The following NLE1 variants were observed in gnomAD, a reference collection of about 807,000 sequenced individuals.
NLE1 encodes the protein notchless protein homolog 1.
A neutral mutation model predicts 62.8 loss-of-function variants in NLE1; 37 were observed. The observed-to-expected ratio is 0.59, with a 90% CI of 0.45 to 0.78. The LOEUF (loss-of-function observed/expected upper bound fraction) is 0.78. NLE1 is among the 30% of genes least tolerant of loss of function. The pLI, the probability that NLE1 is intolerant of heterozygous loss-of-function variation, is 0.00. For synonymous variants in NLE1, 243 were observed against 253.0 expected (o/e 0.96, Z 0.37); for missense variants, 555 against 637.9 (o/e 0.87, Z 1.40).
chr17:35,139,109 T>C, intron 4 of NLE1, 126 bp downstream of exon 4: 1 of 739,184 alleles, frequency 1.4e-6, no homozygotes, highest in Non-Finnish European at 2.2e-6. Context: ...AACCCAGGAG[T>C]TCAAGGCTTG....
chr17:35,135,284 G>T lies in NLE1; in HGVS notation c.1179C>A (p.Asp393Glu). Residue 393 changes from aspartate (D) to glutamate (E), a missense_variant, in exon 10 of 13, where the codon GAC (aspartate) becomes GAA (glutamate). Asp to Glu is a conservative substitution (Grantham distance 45). Transcript: ENST00000442241. ...TGCCATCCCACAGCTTGATGGACTT[G>T]TCAAAGGAGGCACTAGCCACGATGC... is the stretch of plus-strand genomic sequence containing the variant. ...DSRIVASASF[D>E]KSIKLWDGRT... The T allele has an allele frequency of 1.2e-6, 2 of 1,614,188 alleles. No homozygotes were observed. Among genetic ancestry groups the T allele is most frequent in the East Asian group, 4.5e-5 (2 of 44,880 alleles).
In NLE1 at chr17:35,130,517, AC is replaced by A; in HGVS notation, c.*1919del. On this transcript the variant is annotated 3_prime_UTR_variant, in exon 13 of 13. Coordinates refer to ENST00000442241, the MANE Select transcript of NLE1 (RefSeq NM_018096.5). ...AAACCAGAGCCATGAGACCTACCAT[AC>A]CACCAGCACCCTGCGGGCCCGGGGT... is the stretch of plus-strand genomic sequence containing the variant. 7.1e-7 allele frequency: 1 copy of A among 1,415,458 alleles called. No homozygotes were observed. Among genetic ancestry groups the A allele is most frequent in the Non-Finnish European group, 9.7e-7 (1 of 1,035,492 alleles). The allele number at this position is 1,415,458 out of a possible 1,614,324, so 87.7% of individuals were successfully genotyped here.
Position 35,137,177 on chromosome 17 carries a change from A to T in NLE1, c.652T>A (p.Tyr218Asn). 6.2e-7 allele frequency: 1 copy of T among 1,608,844 alleles called. No homozygotes were observed. Among genetic ancestry groups the T allele is most frequent in the Non-Finnish European group, 8.5e-7 (1 of 1,175,940 alleles). ...CCATCCTTGGAGCTGCTGGCCACAT[A>T]GCGGCACTCAGGGTTCCTGGAGAGA... Reference protein sequence around the residue: ...EPLHANPECRYVASSSKDGSV... With the variant: ...EPLHANPECRNVASSSKDGSV... The change falls in exon 7 of 13, where the codon TAT becomes AAT. Residue 218 changes from tyrosine (Y) to asparagine (N), a missense_variant. Tyr to Asn is a moderately radical substitution (Grantham distance 143, BLOSUM62 -2). Transcript: ENST00000442241.
At position 35,133,239 on chromosome 17, in the gene NLE1, T is replaced by C. The variant is rs1224385624; in HGVS notation, c.1377A>G (p.Val459=). ...CATCTGGACTCCAGTCAACAGCATA[T>C]ACCTAAAGGGAGGCAGAGGAAGGCA... ...AMDLPGHADE[V]YAVDWSPDGQ... The change falls in exon 12 of 13, where the codon GTA becomes GTG. Residue 459 remains valine, a splice_region_variant and synonymous_variant. Transcript: ENST00000442241. The C allele has an allele frequency of 1.9e-6, 3 of 1,614,090 alleles. No homozygotes were observed. Among genetic ancestry groups the C allele is most frequent in the Admixed American group, 3.3e-5 (2 of 60,014 alleles).
At chr17:35,137,440 G>A (rs1222831620) in intron 6 of NLE1, 103 bp downstream of exon 6, 17 of 988,178 alleles carry the variant, frequency 1.7e-5, no homozygotes, top group African/African-American at 1.6e-4. Context: ...CATTCAGGCT[G>A]CCCATCTTGT....
At chr17:35,141,837 T>C (rs1308501138) in intron 2 of NLE1, 142 bp downstream of exon 2, 6 of 926,716 alleles carry the variant, frequency 6.5e-6, no homozygotes, top group Non-Finnish European at 8.1e-6. Context: ...ATTCCATCTC[T>C]GACATAGGTG....
Position 35,130,405 on chromosome 17 carries a change from G to T in NLE1, c.*2032C>A. The T allele has an allele frequency of 6.2e-7, 1 of 1,614,084 alleles. No homozygotes were observed. ...CGGGCCGGAGGAGATGCGGAGGCTG[G>T]AGGATCTGGAATACCTATTTCCCTG... On this transcript the variant is annotated 3_prime_UTR_variant, in exon 13 of 13. Coordinates refer to ENST00000442241, the MANE Select transcript of NLE1 (RefSeq NM_018096.5).
rs1031821079 is a variant in NLE1 at position 35,142,303 on chromosome 17, G to C, written c.-28C>G. 1 of 1,533,514 alleles carries C rather than the reference G, an allele frequency of 6.5e-7. No individual in the cohort carries two copies. The highest frequency in any genetic ancestry group is 8.7e-7 in the Non-Finnish European group (1 of 1,143,172). The allele number at this position is 1,533,514 out of a possible 1,614,324, so 95.0% of individuals were successfully genotyped here. A position where few individuals can be genotyped will look rare whatever the true frequency, so the allele number is the denominator to read the frequency against. On this transcript the variant is annotated 5_prime_UTR_variant, in exon 1 of 13. Transcript: ENST00000442241. ...TGCGTCCCCACGTGGAGGAGAAAGAGCCCGGCAGACAGAGCGCCGTCTCCG... is the reference window on the plus strand; with the variant it reads ...TGCGTCCCCACGTGGAGGAGAAAGACCCCGGCAGACAGAGCGCCGTCTCCG...
intron 4 of NLE1, 123 bp from the exon 5 acceptor site, chr17:35,138,013 G>A: frequency 1.5e-6 from 1 of 678,444 alleles, no homozygotes; most frequent in Non-Finnish European, 2.5e-6. Flanking sequence ...TGAACAAAAG[G>A]AGCGATGAGG....
At position 35,139,760 on chromosome 17, in the gene NLE1, C is replaced by T. The variant is rs534841281; in HGVS notation, c.380+89G>A. 1.4e-5 allele frequency: 22 copies of T among 1,539,370 alleles called. No individual in the cohort carries two copies. The African/African-American group carries it at 2.3e-4, about 16-fold the overall frequency. The stretch of plus-strand genomic sequence containing the variant: ...TCTATGGTAGGCAGCCCTGAGGCCC[C>T]ATCAATTATAACTCTGGGAGACCCT... On this transcript the variant is annotated intron_variant, in intron 3 of 12. Coordinates refer to ENST00000442241, the MANE Select transcript of NLE1 (RefSeq NM_018096.5).
Position 35,130,536 on chromosome 17 carries a change from C to A in NLE1, c.*1901G>T. On this transcript the variant is annotated 3_prime_UTR_variant, in exon 13 of 13. Transcript: ENST00000442241. ...TACCATACCACCAGCACCCTGCGGGCCCGGGGTCTGGCAGAGTGGTATGGG... is the reference window on the plus strand; with the variant it reads ...TACCATACCACCAGCACCCTGCGGGACCGGGGTCTGGCAGAGTGGTATGGG... 2 of 1,302,914 alleles carry A rather than the reference C, an allele frequency of 1.5e-6. No homozygotes were observed. Among genetic ancestry groups the A allele is most frequent in the Non-Finnish European group, 2.1e-6 (2 of 952,788 alleles). The allele number at this position is 1,302,914 out of a possible 1,614,324, so 80.7% of individuals were successfully genotyped here. A position where few individuals can be genotyped will look rare whatever the true frequency, so the allele number is the denominator to read the frequency against.
At chr17:35,136,884 G>A (rs1352492921) in intron 7 of NLE1, 117 bp downstream of exon 7, 1 of 1,001,238 alleles carries the variant, frequency 1.0e-6, no homozygotes, top group African/African-American at 1.6e-5. Flanking sequence ...CCTAGACCAG[G>A]GCTCCCAGCA....
At position 35,140,059 on chromosome 17, in the gene NLE1, G is replaced by A. The variant is rs754849538; in HGVS notation, c.170C>T (p.Pro57Leu). The A allele has an allele frequency of 1.9e-6, 3 of 1,613,068 alleles. No homozygotes were observed. The South Asian group carries it at 3.3e-5, about 18-fold the overall frequency. ...GTGGACAAAGAAAGCCAGTGGCAGG[G>A]GATCCTCCTGAAGGACAATGGTAAA... ...VCNALLAQED[P>L]LPLAFFVHDA... is the part of the protein sequence containing the mutation. Residue 57 changes from proline to leucine, a missense_variant, in exon 3 of 13, where the codon CCC becomes CTC. Pro to Leu is a moderately conservative substitution (Grantham distance 98). Transcript: ENST00000442241.
rs755644419 is a variant in NLE1 at position 35,137,119 on chromosome 17, C to A, written c.710G>T (p.Arg237Leu). The change falls in exon 7 of 13, where the codon CGC becomes CTC. Residue 237 changes from arginine to leucine, a missense_variant. By Grantham distance (102) the Arg-to-Leu change is moderately radical (BLOSUM62 -2). Coordinates refer to ENST00000442241, the MANE Select transcript of NLE1 (RefSeq NM_018096.5). Reference sequence around the variant, plus strand: ...GTGCCCGGTGAGGATGCGCTCACAGCGGCCTGCAGTTGTGTCCCAGATCCG... The same window carrying A: ...GTGCCCGGTGAGGATGCGCTCACAGAGGCCTGCAGTTGTGTCCCAGATCCG... ...SVRIWDTTAG[R>L]CERILTGHTQ... The A allele has an allele frequency of 2.5e-6, 4 of 1,613,808 alleles. No individual in the cohort carries two copies. The highest frequency in any genetic ancestry group is 2.7e-5 in the African/African-American group (2 of 74,882).
Position 35,136,181 on chromosome 17 carries a change from G to A in NLE1, c.999C>T (p.Tyr333=), listed in dbSNP as rs193098167. ...QELKERALSR[Y]NLVRGQGPER... Reference sequence around the variant, plus strand: ...GGCACACACTCACCCGCACGAGGTTGTATCGGCTCAGAGCCCTCTCCTTCA... The same window carrying A: ...GGCACACACTCACCCGCACGAGGTTATATCGGCTCAGAGCCCTCTCCTTCA... The change falls in exon 9 of 13, where the codon TAC becomes TAT. Residue 333 remains tyrosine, a synonymous_variant. Coordinates refer to ENST00000442241, the MANE Select transcript of NLE1 (RefSeq NM_018096.5). The A allele has an allele frequency of 6.8e-6, 11 of 1,614,218 alleles. No individual in the cohort carries two copies. Among genetic ancestry groups the A allele is most frequent in the East Asian group, 2.2e-5 (1 of 44,880 alleles).
In NLE1 at chr17:35,137,888, G is replaced by A. The variant is rs1315407141; in HGVS notation, c.463C>T (p.His155Tyr). Residue 155 changes from histidine (H) to tyrosine (Y), a missense_variant and splice_region_variant, in exon 5 of 13, where the codon CAC becomes TAC. Physicochemically the swap from His to Tyr is moderately conservative, Grantham distance 83. Transcript: ENST00000442241. ...GATATACTAAGGACCCAGTGTCTGTGTCCTAAGAAAGCAGAGGAGGGAGAA... is the reference window on the plus strand; with the variant it reads ...GATATACTAAGGACCCAGTGTCTGTATCCTAAGAAAGCAGAGGAGGGAGAA... Reference protein sequence around the residue: ...TETPHFTCKGHRHWVLSISWS... With the variant: ...TETPHFTCKGYRHWVLSISWS... The A allele has an allele frequency of 6.2e-7, 1 of 1,612,364 alleles. No homozygotes were observed. Among genetic ancestry groups the A allele is most frequent in the East Asian group, 2.2e-5 (1 of 44,882 alleles).
In NLE1 at chr17:35,129,686, G is replaced by C. The variant is rs199521079; in HGVS notation, c.*2751C>G. 7.2e-5 allele frequency: 115 copies of C among 1,606,016 alleles called. No individual in the cohort carries two copies. The African/African-American group carries it at 9.2e-4, about 13-fold the overall frequency. On this transcript the variant is annotated 3_prime_UTR_variant, in exon 13 of 13. Transcript: ENST00000442241. Reference sequence around the variant, plus strand: ...GAGCCCTGGGAAAAGAGGGGCCTTGGGGGTGGAGAGAAGTCCAAAGCCAGG... The same window carrying C: ...GAGCCCTGGGAAAAGAGGGGCCTTGCGGGTGGAGAGAAGTCCAAAGCCAGG...
chr17:35,134,889 T>C (rs1408354198), intron 10 of NLE1: 6 of 372,850 alleles, frequency 1.6e-5, no homozygotes, highest in Non-Finnish European at 3.2e-5. Flanking sequence ...CCGTCTCAAC[T>C]AAAAATACAA....
chr17:35,136,130 G>A (rs1246659689), intron 9 of NLE1, 39 bp downstream of exon 9: 1 of 1,610,072 alleles, frequency 6.2e-7, no homozygotes. Flanking sequence ...CTAAGGACTG[G>A]TACAGAGCTA....
Sources: allele counts gnomAD v4.1 joint callset, GRCh38; gene constraint gnomAD v4.1.1; transcripts MANE v1.5; gene names NCBI Gene and HGNC (gene_info 2026-07-23, HGNC 2026-07-21).